The following SRRD variants were observed in gnomAD, a reference collection of about 807,000 sequenced individuals.
SRRD encodes SRR1 domain containing.
SRRD carries 28 observed loss-of-function variants against 30.7 expected under a neutral mutation model. The ratio of observed to expected loss-of-function variants is 0.91; its 90% CI spans 0.68 to 1.25. The LOEUF is 1.25. Ranked by LOEUF, SRRD falls within the 50% of genes most tolerant of loss-of-function variation. SRRD has a pLI of 0.00. For missense variants in SRRD, 415 were observed against 417.3 expected (o/e 0.99, Z 0.05); for synonymous variants, 161 against 159.6 (o/e 1.01, Z -0.07).
rs1286630723 is a variant in SRRD at position 26,491,621 on chromosome 22, G to A, written c.969G>A (p.Glu323=). ...AAGAACCAGATTATCAGGACTGTGA[G>A]GACCTTGAAATCATCAGGAACAAGA... is the stretch of plus-strand genomic sequence containing the variant. ...FREEPDYQDC[E]DLEIIRNKRE... The change falls in exon 7 of 7, where the codon GAG becomes GAA. Residue 323 remains glutamate (E), a synonymous_variant. Coordinates refer to ENST00000215917, the MANE Select transcript of SRRD (RefSeq NM_001013694.3). 1 of 1,613,840 alleles carries A rather than the reference G, an allele frequency of 6.2e-7. No homozygotes were observed. The highest frequency in any genetic ancestry group is 8.5e-7 in the Non-Finnish European group (1 of 1,180,050).
In SRRD at chr22:26,493,514, G is replaced by C. The variant is rs1921495422; in HGVS notation, c.*1842G>C. Reference sequence around the variant, plus strand: ...GCAACACTGGAGCACAGGACTGGTTGAAATAGGCTCCCAAATGTAGAAACA... The same window carrying C: ...GCAACACTGGAGCACAGGACTGGTTCAAATAGGCTCCCAAATGTAGAAACA... On this transcript the variant is annotated 3_prime_UTR_variant, in exon 7 of 7. Transcript: ENST00000215917. The C allele has an allele frequency of 6.5e-6, 1 of 152,978 alleles. No homozygotes were observed. 9.5% of individuals were successfully genotyped at this position (152,978 alleles called of 1,614,324 possible).
rs2147108297 is a variant in SRRD at position 26,488,156 on chromosome 22, T to C, written c.378T>C (p.Ser126=). ...AGGAGTCAGATGTGGCCACTGATTC[T>C]ATCCCAAGAGAGATCTTGGTCACAG... is the stretch of plus-strand genomic sequence containing the variant. The part of the protein sequence containing the change: ...LPEESDVATD[S]IPREILVTGT... The change falls in exon 3 of 7, where the codon TCT becomes TCC. Residue 126 remains serine, a synonymous_variant. Coordinates refer to ENST00000215917, the MANE Select transcript of SRRD (RefSeq NM_001013694.3). 6.2e-7 allele frequency: 1 copy of C among 1,614,220 alleles called. No individual in the cohort carries two copies. The highest frequency in any genetic ancestry group is 1.1e-5 in the South Asian group (1 of 91,088).
At chr22:26,490,775 G>A in intron 5 of SRRD, 1 of 434,154 alleles carries the variant, frequency 2.3e-6, no homozygotes, top group Non-Finnish European at 4.1e-6. Context: ...TGTTGGCCAT[G>A]CTGGTCTTGA....
At chr22:26,489,958 G>C (rs925418810) in intron 4 of SRRD, 86 bp from the exon 5 acceptor site, 2 of 1,478,738 alleles carry the variant, frequency 1.4e-6, no homozygotes, top group East Asian at 4.6e-5. Context: ...TTTGTCTCAT[G>C]ATTATCCCCA....
Position 26,486,079 on chromosome 22 carries a change from C to G in SRRD, c.250+16C>G. 3 of 1,614,090 alleles carry G rather than the reference C, an allele frequency of 1.9e-6. No individual in the cohort carries two copies. Among genetic ancestry groups the G allele is most frequent in the Non-Finnish European group, 2.5e-6 (3 of 1,179,982 alleles). ...TCAGCACTAGGTGGGTACCACTTGG[C>G]CAATGGTAGGGATTGTGGGGCAGAA... On this transcript the variant is annotated intron_variant, in intron 2 of 6. Coordinates refer to ENST00000215917, the MANE Select transcript of SRRD (RefSeq NM_001013694.3).
At chr22:26,491,221 T>C in intron 6 of SRRD, 151 bp downstream of exon 6, 1 of 845,514 alleles carries the variant, frequency 1.2e-6, no homozygotes, top group Non-Finnish European at 1.9e-6. Flanking sequence ...CAGAAAGCTA[T>C]GACTCTTTAA....
chr22:26,484,104 G>A lies in SRRD; in HGVS notation c.209+5G>A, dbSNP rs2091631300. ...TCGTCGCATCTGGGAGGCTGAGTGA[G>A]TGCAGGCTCGGCCCTGATGGAATCT... is the stretch of plus-strand genomic sequence containing the variant. On this transcript the variant is annotated splice_donor_5th_base_variant and intron_variant, in intron 1 of 6. Coordinates refer to ENST00000215917, the MANE Select transcript of SRRD (RefSeq NM_001013694.3). 1 of 1,523,172 alleles carries A rather than the reference G, an allele frequency of 6.6e-7. No homozygotes were observed. The highest frequency in any genetic ancestry group is 8.8e-7 in the Non-Finnish European group (1 of 1,141,144). 94.4% of individuals were successfully genotyped at this position (1,523,172 alleles called of 1,614,324 possible).
chr22:26,490,834 G>A (rs1921074628), intron 5 of SRRD, 191 bp from the exon 6 acceptor site: 2 of 568,496 alleles, frequency 3.5e-6, no homozygotes, highest in Non-Finnish European at 6.2e-6. Flanking sequence ...GAAGTGCTGG[G>A]ATTACCTGCG....
In SRRD at chr22:26,490,168, T is replaced by C. The variant is rs1920999020; in HGVS notation, c.734T>C (p.Ile245Thr). The change falls in exon 5 of 7, where the codon ATT becomes ACT. Residue 245 changes from isoleucine to threonine, a missense_variant. By Grantham distance (89) the Ile-to-Thr change is moderately conservative. Transcript: ENST00000215917. The part of the protein sequence containing the change: ...SVDALSKMVI[I>T]GNSFKGLEER... Reference sequence around the variant, plus strand: ...GATGCCCTTTCTAAGATGGTCATCATTGGGAACAGTTTCAAAGGACTTGAG... The same window carrying C: ...GATGCCCTTTCTAAGATGGTCATCACTGGGAACAGTTTCAAAGGACTTGAG... 5.0e-6 allele frequency: 8 copies of C among 1,614,026 alleles called. No individual in the cohort carries two copies. Among genetic ancestry groups the C allele is most frequent in the South Asian group, 4.4e-5 (4 of 91,078 alleles).
chr22:26,484,163 C>A, intron 1 of SRRD, 64 bp downstream of exon 1: 1 of 1,466,532 alleles, frequency 6.8e-7, no homozygotes, highest in Non-Finnish European at 9.2e-7. Flanking sequence ...CCACAGTCTC[C>A]CCATCTGTAG....
rs762805603 is a variant in SRRD at position 26,494,262 on chromosome 22, TCTC to T, written c.*2594_*2596del. 2.5e-6 allele frequency: 4 copies of T among 1,614,134 alleles called. No individual in the cohort carries two copies. The highest frequency in any genetic ancestry group is 1.7e-5 in the Admixed American group (1 of 60,020). The stretch of plus-strand genomic sequence containing the variant: ...TTCCAACCCAGGTACCACTTGGTGA[TCTC>T]CTCATAATTTGGGCTGTTACTGAGC... On this transcript the variant is annotated 3_prime_UTR_variant, in exon 7 of 7. Transcript: ENST00000215917.
At chr22:26,489,522 C>T (rs1342324575) in intron 4 of SRRD, among the ~76,000 whole-genome samples, 1 of 151,884 alleles carries the variant, frequency 6.6e-6, no homozygotes, top group African/African-American at 2.4e-5. Context: ...AGGGAAGCTG[C>T]AAGGAGAGGA....
At chr22:26,486,754 T>C (rs2091711483) in intron 2 of SRRD, among the ~76,000 whole-genome samples, 1 of 152,228 alleles carries the variant, frequency 6.6e-6, no homozygotes. Context: ...GATGATCTTC[T>C]TAGGATATAT....
rs969742554 is a variant in SRRD at position 26,491,830 on chromosome 22, T to C, written c.*158T>C. 7.5e-5 allele frequency: 69 copies of C among 914,686 alleles called. No homozygotes were observed. In the African/African-American group the frequency reaches 1.1e-3, roughly 15 times the overall value. 56.7% of individuals were successfully genotyped at this position (914,686 alleles called of 1,614,324 possible). ...GACGATACCCCACATGAGGACTTGG[T>C]ATAAAGATTCCTGCCCTACGTGGCA... On this transcript the variant is annotated 3_prime_UTR_variant, in exon 7 of 7. Coordinates refer to ENST00000215917, the MANE Select transcript of SRRD (RefSeq NM_001013694.3).
At chr22:26,484,239 T>A in intron 1 of SRRD, 140 bp downstream of exon 1, 1 of 948,570 alleles carries the variant, frequency 1.1e-6, no homozygotes, top group Non-Finnish European at 1.6e-6. Flanking sequence ...AACGAGCTCA[T>A]TAAAGATGTG....
rs1314136444 is a variant in SRRD at position 26,492,089 on chromosome 22, C to T, written c.*417C>T. ...CTCGCCCTGGACAAAGACCACTCCC[C>T]GGTCGATGTAGATCACAATGCGGCC... On this transcript the variant is annotated 3_prime_UTR_variant, in exon 7 of 7. Transcript: ENST00000215917. 9 of 1,613,476 alleles carry T rather than the reference C, an allele frequency of 5.6e-6. No individual in the cohort carries two copies. Among genetic ancestry groups the T allele is most frequent in the East Asian group, 2.2e-5 (1 of 44,878 alleles).
In SRRD at chr22:26,494,144, T is replaced by C. The variant is rs939900288; in HGVS notation, c.*2472T>C. ...AAATGGGAATCCTCACTTACCAACGTTGGAGGACACCGCCCGGTTCATGAT... is the reference window on the plus strand; with the variant it reads ...AAATGGGAATCCTCACTTACCAACGCTGGAGGACACCGCCCGGTTCATGAT... On this transcript the variant is annotated 3_prime_UTR_variant, in exon 7 of 7. Transcript: ENST00000215917. 3 of 1,613,876 alleles carry C rather than the reference T, an allele frequency of 1.9e-6. No individual in the cohort carries two copies. The highest frequency in any genetic ancestry group is 2.5e-6 in the Non-Finnish European group (3 of 1,179,758).
In SRRD at chr22:26,492,131, T is replaced by G; in HGVS notation, c.*459T>G. 1 of 1,613,592 alleles carries G rather than the reference T, an allele frequency of 6.2e-7. No homozygotes were observed. The highest frequency in any genetic ancestry group is 1.6e-4 in the Middle Eastern group (1 of 6,062). On this transcript the variant is annotated 3_prime_UTR_variant, in exon 7 of 7. Transcript: ENST00000215917. The stretch of plus-strand genomic sequence containing the variant: ...AATGCGGCCAAAGGTGTAGAGCTGC[T>G]TCCCTTCGTGTCGCTTCCCAATGAC...
At chr22:26,490,558 G>GTTTTTTTTTTTTTTTTTTT (rs1491237870) in intron 5 of SRRD, among the ~76,000 whole-genome samples, 1 of 25,706 alleles carries the variant, frequency 3.9e-5, no homozygotes, top group Non-Finnish European at 9.4e-5. Flanking sequence ...TGGAATATTT[G>GTTTTTTTTTTTTTTTTTTT]CTTTTTTTTT....
Sources: gnomAD v4.1 joint callset for allele counts (sites outside exome capture counted in the v4.1 genomes callset) on GRCh38, gnomAD v4.1.1 for gene constraint, MANE v1.5 for transcripts, NCBI Gene and HGNC (gene_info 2026-07-23, HGNC 2026-07-21) for gene names.